ARL15: variants seen among roughly 807,000 people sequenced by gnomAD.
The protein encoded by ARL15 is ADP-ribosylation factor-like protein 15.
In ARL15, 19 loss-of-function variants were observed where a neutral mutation model predicts 25.2. The observed-to-expected ratio is 0.75, with a 90% CI of 0.53 to 1.10. The LOEUF (loss-of-function observed/expected upper bound fraction) is 1.10, where lower values mean the gene tolerates loss of function less well. Ranked by LOEUF, ARL15 falls within the 50% of genes least tolerant of loss-of-function variation. ARL15 has a pLI of 0.00. For synonymous variants in ARL15, 94 were observed against 86.8 expected (o/e 1.08, Z -0.46); for missense variants, 220 against 246.0 (o/e 0.89, Z 0.71).
chr5:54,052,044 T>C (rs543392840), intron 4 of ARL15, among the ~76,000 whole-genome samples: 3 of 152,304 alleles, frequency 2.0e-5, no homozygotes, highest in East Asian at 3.9e-4. Flanking sequence ...CAAAAAGCTA[T>C]ATAAGGTATG....
intron 4 of ARL15, among the ~76,000 whole-genome samples, chr5:53,947,268 G>A (rs1746781467): frequency 6.6e-6 from 1 of 150,620 alleles, no homozygotes. Context: ...ATTCCCAGGT[G>A]AGGTTCCCTT....
chr5:53,921,171 A>T (rs1745850527), intron 4 of ARL15, among the ~76,000 whole-genome samples: 2 of 152,306 alleles, frequency 1.3e-5, no homozygotes, highest in East Asian at 1.9e-4. Context: ...CGGCTCTGTC[A>T]GGTAATGTAT....
chr5:54,060,723 G>A (rs1484265912), intron 4 of ARL15, among the ~76,000 whole-genome samples: 1 of 152,198 alleles, frequency 6.6e-6, no homozygotes, highest in African/African-American at 2.4e-5. Flanking sequence ...CTGAAAATGT[G>A]GAAGGTGACT....
chr5:53,907,488 ATTTTTTTTTT>A (rs869174212), intron 4 of ARL15, among the ~76,000 whole-genome samples: 8 of 18,006 alleles, frequency 4.4e-4, no homozygotes, highest in South Asian at 3.8e-3. Flanking sequence ...ATATATATAT[ATTTTTTTTTT>A]TTTTTTTTTT....
chr5:54,174,627 T>C (rs1754812873), intron 1 of ARL15, among the ~76,000 whole-genome samples: 1 of 152,126 alleles, frequency 6.6e-6, no homozygotes, highest in Non-Finnish European at 1.5e-5. Context: ...CAGCACACCC[T>C]CTCCCACAAG....
At chr5:54,215,941 T>C (rs1204179912) in intron 1 of ARL15, among the ~76,000 whole-genome samples, 1 of 152,208 alleles carries the variant, frequency 6.6e-6, no homozygotes, top group Non-Finnish European at 1.5e-5. Context: ...TAAACTGCAC[T>C]GTGGCATTAG....
At chr5:54,049,754 T>C (rs1485560194) in intron 4 of ARL15, among the ~76,000 whole-genome samples, 1 of 151,968 alleles carries the variant, frequency 6.6e-6, no homozygotes, top group East Asian at 1.9e-4. Context: ...TTTTTTTTTG[T>C]AGAGATGGGG....
At chr5:54,307,372 T>C (rs1363830705) in intron 1 of ARL15, among the ~76,000 whole-genome samples, 1 of 152,178 alleles carries the variant, frequency 6.6e-6, no homozygotes, top group Non-Finnish European at 1.5e-5. Context: ...ATTCATCTGA[T>C]TCAACAAATA....
intron 4 of ARL15, among the ~76,000 whole-genome samples, chr5:53,979,998 C>A (rs370431770): frequency 6.4e-4 from 98 of 152,274 alleles, no homozygotes; most frequent in Middle Eastern, 3.4e-3. Context: ...AGCCACTGAA[C>A]CTGGCCTAAA....
chr5:54,037,322 T>G (rs1750197394), intron 4 of ARL15, among the ~76,000 whole-genome samples: 1 of 152,104 alleles, frequency 6.6e-6, no homozygotes, highest in Non-Finnish European at 1.5e-5. Context: ...ACCCTTTATT[T>G]TTCTATTTGG....
intron 4 of ARL15, among the ~76,000 whole-genome samples, chr5:54,098,683 G>A (rs1032337673): frequency 6.6e-6 from 1 of 152,152 alleles, no homozygotes; most frequent in Non-Finnish European, 1.5e-5. Flanking sequence ...ACAGAGATAC[G>A]ATGGGGTTTC....
chr5:54,216,359 T>G (rs1376533851), intron 1 of ARL15, among the ~76,000 whole-genome samples: 1 of 152,206 alleles, frequency 6.6e-6, no homozygotes, highest in Non-Finnish European at 1.5e-5. Flanking sequence ...ACGGGGGTGT[T>G]ATTCCACTGT....
At chr5:53,947,955 A>G (rs188590589) in intron 4 of ARL15, among the ~76,000 whole-genome samples, 300 of 152,316 alleles carry the variant, frequency 2.0e-3, no homozygotes, top group Non-Finnish European at 3.0e-3. Context: ...TGAGTGCATT[A>G]CACTACAAGA....
chr5:53,976,237 G>A lies in ARL15; in HGVS notation c.463-89524C>T, dbSNP rs144777265. Among the ~76,000 whole-genome samples the A allele has an allele frequency of 3.2e-3, 480 of 152,294 alleles. 1 individual carries two copies. Among genetic ancestry groups the A allele is most frequent in the African/African-American group, 0.011 (453 of 41,554 alleles). On this transcript the variant is annotated intron_variant, in intron 4 of 4. Coordinates refer to ENST00000504924, the MANE Select transcript of ARL15 (RefSeq NM_019087.3). ...CACGAGTACCAAAATAGCTGAGTAAGTGGCATGTCAAAAATGCACTAGGGC... is the reference window on the plus strand; with the variant it reads ...CACGAGTACCAAAATAGCTGAGTAAATGGCATGTCAAAAATGCACTAGGGC...
chr5:54,032,193 T>C (rs1458270731), intron 4 of ARL15, among the ~76,000 whole-genome samples: 2 of 152,106 alleles, frequency 1.3e-5, no homozygotes, highest in Non-Finnish European at 2.9e-5. Context: ...TTTTCTTAGG[T>C]CTAAATGACA....
intron 4 of ARL15, among the ~76,000 whole-genome samples, chr5:53,968,578 C>T (rs1747638765): frequency 6.6e-6 from 1 of 152,130 alleles, no homozygotes; most frequent in South Asian, 2.1e-4. Context: ...CTGTAAGCTG[C>T]TGTGTCCTAC....
intron 4 of ARL15, among the ~76,000 whole-genome samples, chr5:54,008,002 G>A (rs1034078807): frequency 3.3e-5 from 5 of 152,148 alleles, no homozygotes; most frequent in Non-Finnish European, 7.4e-5. Flanking sequence ...TGCACAGACC[G>A]GCTCCTGCTT....
At chr5:53,906,469 G>T (rs1348694266) in intron 4 of ARL15, among the ~76,000 whole-genome samples, 2 of 152,082 alleles carry the variant, frequency 1.3e-5, no homozygotes, top group Non-Finnish European at 2.9e-5. Context: ...GCAATTAAGA[G>T]GTACAACATA....
intron 4 of ARL15, among the ~76,000 whole-genome samples, chr5:53,927,976 GC>G (rs1580088688): frequency 6.6e-6 from 1 of 152,224 alleles, no homozygotes; most frequent in East Asian, 1.9e-4. Flanking sequence ...TATCTTTAAG[GC>G]TATTGTGTGG....
Sources: allele counts gnomAD v4.1 joint callset (sites outside exome capture counted in the v4.1 genomes callset), GRCh38; gene constraint gnomAD v4.1.1; transcripts MANE v1.5; gene names NCBI Gene and HGNC (gene_info 2026-07-23, HGNC 2026-07-21).